The following ROBO1 variants were observed in gnomAD, a reference collection of about 807,000 sequenced individuals.
The protein encoded by ROBO1 is roundabout guidance receptor 1.
A neutral mutation model predicts 195.9 loss-of-function variants in ROBO1; 149 were observed. The ratio of observed to expected loss-of-function variants is 0.76; its 90% CI spans 0.67 to 0.87. The LOEUF (loss-of-function observed/expected upper bound fraction) is 0.87. ROBO1 is among the 40% of genes least tolerant of loss of function. The pLI is 0.00. For synonymous variants in ROBO1, 816 were observed against 733.2 expected (o/e 1.11, Z -1.82); for missense variants, 1,933 against 2,068.3 (o/e 0.93, Z 1.27).
At chr3:78,721,904 A>T (rs1447232137) in intron 5 of ROBO1, among the ~76,000 whole-genome samples, 2 of 152,130 alleles carry the variant, frequency 1.3e-5, no homozygotes, top group African/African-American at 4.8e-5. Context: ...ATCTATACAA[A>T]TGGAGAAGGA....
intron 1 of ROBO1, among the ~76,000 whole-genome samples, chr3:79,675,704 A>G (rs1021059418): frequency 6.6e-6 from 1 of 152,058 alleles, no homozygotes; most frequent in African/African-American, 2.4e-5. Context: ...AACAGGTTTA[A>G]TCTTTACTAA....
intron 2 of ROBO1, among the ~76,000 whole-genome samples, chr3:79,508,145 C>T (rs1427840759): frequency 6.6e-6 from 1 of 152,010 alleles, no homozygotes; most frequent in African/African-American, 2.4e-5. Context: ...AGGACAAATA[C>T]CTAATGTAAA....
intron 2 of ROBO1, among the ~76,000 whole-genome samples, chr3:79,299,785 G>A (rs761465143): frequency 6.6e-6 from 1 of 151,180 alleles, no homozygotes; most frequent in Non-Finnish European, 1.5e-5. Context: ...ATAGTGAAGT[G>A]TAGTTAATTA....
At chr3:79,608,005 T>C (rs541241921) in intron 1 of ROBO1, among the ~76,000 whole-genome samples, 4 of 152,166 alleles carry the variant, frequency 2.6e-5, no homozygotes, top group African/African-American at 9.6e-5. Context: ...TATGTGATAC[T>C]ACATTGATCA....
chr3:79,624,852 G>A (rs1158343023), intron 1 of ROBO1, among the ~76,000 whole-genome samples: 1 of 152,094 alleles, frequency 6.6e-6, no homozygotes, highest in Non-Finnish European at 1.5e-5. Flanking sequence ...AGTGGACCTG[G>A]TAGACATCTA....
chr3:79,405,763 G>C (rs1056055852), intron 2 of ROBO1, among the ~76,000 whole-genome samples: 1 of 152,048 alleles, frequency 6.6e-6, no homozygotes, highest in African/African-American at 2.4e-5. Context: ...CTTTGCAAAA[G>C]AGATTTCTAA....
At chr3:78,940,997 A>G (rs2040101476) in intron 3 of ROBO1, among the ~76,000 whole-genome samples, 1 of 152,142 alleles carries the variant, frequency 6.6e-6, no homozygotes, top group Admixed American at 6.6e-5. Context: ...AGTTATAACT[A>G]ATACGTATAC....
intron 1 of ROBO1, among the ~76,000 whole-genome samples, chr3:79,686,604 A>T (rs1391150442): frequency 1.3e-5 from 2 of 152,102 alleles, no homozygotes; most frequent in Non-Finnish European, 2.9e-5. Context: ...TCATGAGTGA[A>T]CTCCCATTCA....
chr3:78,938,884 T>C lies in ROBO1; in HGVS notation c.216A>G (p.Glu72=). The C allele has an allele frequency of 1.2e-6, 2 of 1,613,322 alleles. No homozygotes were observed. The highest frequency in any genetic ancestry group is 2.7e-5 in the African/African-American group (2 of 75,002). ...TTGAGACAATCAGGTCTGAAGGGTG[T>C]TCAACAATGCGAGGTGGAAAATCTT... ...RQEDFPPRIV[E]HPSDLIVSKG... Residue 72 remains glutamate (E), a synonymous_variant, in exon 4 of 31, where the codon GAA becomes GAG. Coordinates refer to ENST00000464233, the MANE Select transcript of ROBO1 (RefSeq NM_002941.4).
At chr3:79,124,952 A>G (rs115049964) in intron 3 of ROBO1, among the ~76,000 whole-genome samples, 2,834 of 152,244 alleles carry the variant, frequency 0.019, 44 homozygotes, top group Middle Eastern at 0.1. Flanking sequence ...TCGTTGGTGT[A>G]TAAGGTAACA....
chr3:79,400,757 T>C lies in ROBO1; in HGVS notation c.88+189067A>G, dbSNP rs540620310. Among the ~76,000 whole-genome samples the C allele has an allele frequency of 3.3e-5, 5 of 152,094 alleles. 1 individual carries two copies. The South Asian group carries it at 8.3e-4, about 25-fold the overall frequency. Reference sequence around the variant, plus strand: ...TCTATTTGTTCTTTTTAAAAATCAGTATTGGAATTTTGATTAATTGGTTAA... The same window carrying C: ...TCTATTTGTTCTTTTTAAAAATCAGCATTGGAATTTTGATTAATTGGTTAA... On this transcript the variant is annotated intron_variant, in intron 2 of 30. Transcript: ENST00000464233.
intron 4 of ROBO1, among the ~76,000 whole-genome samples, chr3:78,792,144 G>A (rs1461245569): frequency 6.6e-6 from 1 of 152,192 alleles, no homozygotes; most frequent in South Asian, 2.1e-4. Flanking sequence ...AGGATGGCAT[G>A]AGTCCTGGGA....
chr3:79,140,191 C>A (rs992023738), intron 2 of ROBO1, among the ~76,000 whole-genome samples: 5 of 152,032 alleles, frequency 3.3e-5, no homozygotes, highest in Admixed American at 1.3e-4. Flanking sequence ...TGCCACTTCC[C>A]TTAAGTATGT....
chr3:78,804,478 A>T (rs974469500), intron 4 of ROBO1, among the ~76,000 whole-genome samples: 1 of 152,090 alleles, frequency 6.6e-6, no homozygotes, highest in Non-Finnish European at 1.5e-5. Flanking sequence ...GCCAGTGGGG[A>T]TGTTTCAAAT....
At chr3:78,998,918 A>G (rs1405171883) in intron 3 of ROBO1, among the ~76,000 whole-genome samples, 1 of 152,052 alleles carries the variant, frequency 6.6e-6, no homozygotes. Flanking sequence ...TTAACACAGA[A>G]TATCTTCATA....
chr3:79,024,924 G>A (rs2078175040), intron 3 of ROBO1, among the ~76,000 whole-genome samples: 1 of 152,008 alleles, frequency 6.6e-6, no homozygotes, highest in Non-Finnish European at 1.5e-5. Context: ...GCAGTCAGAG[G>A]GATCTTGTTA....
chr3:79,096,709 TATATATAC>T (rs2079574749), intron 3 of ROBO1, among the ~76,000 whole-genome samples: 1 of 150,648 alleles, frequency 6.6e-6, no homozygotes, highest in Admixed American at 6.7e-5. Context: ...TTTATATATG[TATATATAC>T]ATATATAAAT....
chr3:78,757,027 G>C lies in ROBO1; in HGVS notation c.500-10127C>G, dbSNP rs553698538. ...CTGCCTCAGCCTCCCAAGTAGCTGG[G>C]ATTACAGGCAAGCACCACCATGCCC... On this transcript the variant is annotated intron_variant, in intron 4 of 30. Transcript: ENST00000464233. Among the ~76,000 whole-genome samples the C allele has an allele frequency of 3.3e-5, 5 of 152,240 alleles. No homozygotes were observed. In the South Asian group the frequency reaches 1.0e-3, roughly 32 times the overall value.
At chr3:79,122,924 G>A (rs1444507076) in intron 3 of ROBO1, among the ~76,000 whole-genome samples, 1 of 151,832 alleles carries the variant, frequency 6.6e-6, no homozygotes, top group Non-Finnish European at 1.5e-5. Flanking sequence ...TCAATGAAAT[G>A]AAGCAACATG....
Sources: allele counts gnomAD v4.1 joint callset (sites outside exome capture counted in the v4.1 genomes callset), GRCh38; gene constraint gnomAD v4.1.1; transcripts MANE v1.5; gene names NCBI Gene and HGNC (gene_info 2026-07-23, HGNC 2026-07-21).